The following CHRNB4 variants were observed in gnomAD, a reference collection of about 807,000 sequenced individuals.
CHRNB4 encodes the protein cholinergic receptor nicotinic beta 4 subunit, also known as neuronal acetylcholine receptor subunit beta-4.
CHRNB4 carries 23 observed loss-of-function variants against 40.4 expected under a neutral mutation model. The observed-to-expected ratio is 0.57, with a 90% confidence interval of 0.41 to 0.81. The LOEUF is 0.81. CHRNB4 is among the 30% of genes least tolerant of loss of function. The pLI, the probability that CHRNB4 is intolerant of heterozygous loss-of-function variation, is 0.00. For missense variants in CHRNB4, 568 were observed against 670.6 expected, an observed-to-expected ratio of 0.85 and a Z score of 1.69; for synonymous variants, 285 against 274.4, an observed-to-expected ratio of 1.04 and a Z score of -0.38.
chr15:78,650,776 G>A (rs565196061), intron 6 of CHRNB4, among the ~76,000 whole-genome samples: 1 of 152,186 alleles, frequency 6.6e-6, no homozygotes, highest in Non-Finnish European at 1.5e-5. Flanking sequence ...GCCACCAAAC[G>A]AGGAGGGGGA....
intron 1 of CHRNB4, among the ~76,000 whole-genome samples, chr15:78,659,918 G>A (rs1387515043): frequency 6.6e-6 from 1 of 152,090 alleles, no homozygotes; most frequent in African/African-American, 2.4e-5. Context: ...GTCCAAGCTA[G>A]AGATGATGAT....
chr15:78,655,191 G>T (rs1250799120), intron 5 of CHRNB4, among the ~76,000 whole-genome samples: 2 of 151,622 alleles, frequency 1.3e-5, no homozygotes, highest in Non-Finnish European at 2.9e-5. Context: ...AATTTTGTAT[G>T]AACACAATTA....
chr15:78,647,065 A>C (rs996604494), intron 7 of CHRNB4, among the ~76,000 whole-genome samples: 2 of 152,162 alleles, frequency 1.3e-5, no homozygotes, highest in Non-Finnish European at 2.9e-5. Flanking sequence ...ACTGGAGCCC[A>C]GGAGTTTGAG....
intron 1 of CHRNB4, among the ~76,000 whole-genome samples, chr15:78,635,942 C>G (rs1256849946): frequency 1.3e-5 from 2 of 152,146 alleles, no homozygotes; most frequent in Non-Finnish European, 1.5e-5. Context: ...GAGTCTCACT[C>G]TGTTGCCCAG....
Position 78,641,059 on chromosome 15 carries a change from C to G in CHRNB4, c.55+20G>C, listed in dbSNP as rs1319200258. 4.5e-6 allele frequency: 7 copies of G among 1,566,080 alleles called. No homozygotes were observed. Among genetic ancestry groups the G allele is most frequent in the Non-Finnish European group, 6.1e-6 (7 of 1,155,642 alleles). Reference sequence around the variant, plus strand: ...AGCCCAACCCAGGCGCCCCTCCCTCCTTCCCCGAAAAGAACTCACCGCGCC... The same window carrying G: ...AGCCCAACCCAGGCGCCCCTCCCTCGTTCCCCGAAAAGAACTCACCGCGCC... On this transcript the variant is annotated intron_variant, in intron 1 of 5. Coordinates refer to ENST00000261751, the MANE Select transcript of CHRNB4 (RefSeq NM_000750.5).
upstream of CHRNB4, chr15:78,661,549 T>A (rs2054253361): frequency 1.9e-6 from 1 of 538,950 alleles, no homozygotes. Flanking sequence ...ATATCCCGGC[T>A]CTTGGGCTCC....
At position 78,629,676 on chromosome 15, in the gene CHRNB4, C is replaced by T. The variant is rs2053753558; in HGVS notation, c.629G>A (p.Arg210Lys). Residue 210 changes from arginine to lysine, a missense_variant, in exon 5 of 6, where the codon AGG (arginine) becomes AAG (lysine). Coordinates refer to ENST00000261751, the MANE Select transcript of CHRNB4 (RefSeq NM_000750.5). This position sits in a 1 kb window ranked among gnomAD's most constrained non-coding sequence, Gnocchi z 6.8. ...EWDIVALPGR[R>K]TVNPQDPSYV... ...GCTGGGGTCTTGTGGGTTCACTGTC[C>T]TTCTCCCTGGGAGGGCCACTATGTC... 6.2e-7 allele frequency: 1 copy of T among 1,613,998 alleles called. No individual in the cohort carries two copies. The highest frequency in any genetic ancestry group is 1.3e-5 in the African/African-American group (1 of 74,906).
At chr15:78,640,809 A>G (rs1361181265) in intron 1 of CHRNB4, among the ~76,000 whole-genome samples, 1 of 152,292 alleles carries the variant, frequency 6.6e-6, no homozygotes, top group Non-Finnish European at 1.5e-5. Context: ...CCCAGCCCAC[A>G]GACACTCGCC....
At chr15:78,631,765 G>A (rs1002616671) in intron 2 of CHRNB4, among the ~76,000 whole-genome samples, 2 of 152,102 alleles carry the variant, frequency 1.3e-5, no homozygotes, top group Non-Finnish European at 2.9e-5. Context: ...CCTGCCTTTA[G>A]TCTATTCTCT....
chr15:78,630,052 C>A, intron 4 of CHRNB4, 107 bp from the exon 5 acceptor site: 2 of 1,257,520 alleles, frequency 1.6e-6, no homozygotes, highest in Non-Finnish European at 2.1e-6. Flanking sequence ...CACTAATCAC[C>A]CTTCCAATCC....
intron 1 of CHRNB4, among the ~76,000 whole-genome samples, chr15:78,637,008 G>T (rs57728226): frequency 1.3e-5 from 2 of 152,014 alleles, no homozygotes; most frequent in African/African-American, 2.4e-5. Context: ...GAGATGGAGG[G>T]GATTTTCCGG....
In CHRNB4 at chr15:78,625,018, T is replaced by G. The variant is rs778088532; in HGVS notation, c.*115A>C. On this transcript the variant is annotated 3_prime_UTR_variant, in exon 6 of 6. Coordinates refer to ENST00000261751, the MANE Select transcript of CHRNB4 (RefSeq NM_000750.5). ...CACGGCTGTGGCTGGTTTGATGGGG[T>G]TGATGGCCAATGCTCACATATTTAC... 6.4e-5 allele frequency: 102 copies of G among 1,592,116 alleles called. No individual in the cohort carries two copies. Among genetic ancestry groups the G allele is most frequent in the Admixed American group, 4.8e-4 (28 of 58,318 alleles).
At chr15:78,638,670 T>C (rs1471620283) in intron 1 of CHRNB4, among the ~76,000 whole-genome samples, 1 of 152,064 alleles carries the variant, frequency 6.6e-6, no homozygotes, top group Non-Finnish European at 1.5e-5. Flanking sequence ...ACAGCAGGGA[T>C]ACTGGGGACT....
chr15:78,650,386 G>C (rs952757434), intron 6 of CHRNB4, among the ~76,000 whole-genome samples: 1 of 152,204 alleles, frequency 6.6e-6, no homozygotes, highest in Non-Finnish European at 1.5e-5. Context: ...GGTGTCCAAG[G>C]ATTCATCCAG....
At chr15:78,641,671 G>A (rs2141401071), upstream of CHRNB4, among the ~76,000 whole-genome samples, 1 of 152,372 alleles carries the variant, frequency 6.6e-6, no homozygotes, top group Admixed American at 6.5e-5. Flanking sequence ...AGACTTTGCA[G>A]GGAGGACACT....
In CHRNB4 at chr15:78,631,070, A is replaced by T. The variant is rs952930498; in HGVS notation, c.359+6T>A. 1.9e-5 allele frequency: 31 copies of T among 1,609,920 alleles called. No homozygotes were observed. The highest frequency in any genetic ancestry group is 2.5e-5 in the Non-Finnish European group (30 of 1,177,256). ...TCACCAGGCCTCCACCAACCCTGCCACTCACTTGTTGTAAAGCACGATGTC... is the reference window on the plus strand; with the variant it reads ...TCACCAGGCCTCCACCAACCCTGCCTCTCACTTGTTGTAAAGCACGATGTC... On this transcript the variant is annotated splice_donor_region_variant and intron_variant, in intron 4 of 5. Coordinates refer to ENST00000261751, the MANE Select transcript of CHRNB4 (RefSeq NM_000750.5).
intron 5 of CHRNB4, among the ~76,000 whole-genome samples, chr15:78,653,772 G>C (rs1246474145): frequency 6.6e-6 from 1 of 152,176 alleles, no homozygotes; most frequent in Non-Finnish European, 1.5e-5. Context: ...TGTTGCGGGG[G>C]CTGAAACTTT....
At chr15:78,653,189 T>C (rs901002487) in intron 5 of CHRNB4, among the ~76,000 whole-genome samples, 6 of 152,226 alleles carry the variant, frequency 3.9e-5, no homozygotes, top group African/African-American at 1.4e-4. Context: ...AATGTAATCC[T>C]GACTGTTGCT....
intron 3 of CHRNB4, among the ~76,000 whole-genome samples, chr15:78,657,138 C>T (rs1462801659): frequency 6.6e-6 from 1 of 151,992 alleles, no homozygotes; most frequent in Non-Finnish European, 1.5e-5. Flanking sequence ...GCTTCTCCTG[C>T]CTCAGCCTCC....
Sources: gnomAD v4.1 joint callset for allele counts (sites outside exome capture counted in the v4.1 genomes callset) on GRCh38, gnomAD v4.1.1 for gene constraint, Gnocchi (gnomAD v3.1) non-coding constraint, MANE v1.5 for transcripts, NCBI Gene and HGNC (gene_info 2026-07-23, HGNC 2026-07-21) for gene names.